FAM219B: variants seen among roughly 807,000 people sequenced by gnomAD.
FAM219B encodes the protein family with sequence similarity 219 member B, also known as protein FAM219B.
A neutral mutation model predicts 19.9 loss-of-function variants in FAM219B; 18 were observed. The ratio of observed to expected loss-of-function variants is 0.91; its 90% CI spans 0.63 to 1.34. The LOEUF (loss-of-function observed/expected upper bound fraction) is 1.34, where lower values mean the gene tolerates loss of function less well. Among genes scored for constraint, FAM219B ranks in the 40% most tolerant of loss-of-function variants. FAM219B has a pLI of 0.00. For missense variants in FAM219B, 283 were observed against 270.5 expected (o/e 1.05, Z -0.32); for synonymous variants, 123 against 117.5 (o/e 1.05, Z -0.30).
chr15:74,897,983 A>C (rs1227320361), downstream of FAM219B: 2 of 547,450 alleles, frequency 3.7e-6, no homozygotes, highest in Non-Finnish European at 6.7e-6. Context: ...TCCTCGCTAC[A>C]CCTGAGCCAG....
At chr15:74,899,360 A>C (rs1435188958), downstream of FAM219B, 1 of 152,218 alleles carries the variant, frequency 6.6e-6, no homozygotes, top group Non-Finnish European at 1.5e-5. Context: ...GTTCCAGGAA[A>C]CCACCTTCAA....
Position 74,905,161 on chromosome 15 carries a change from A to C in FAM219B, c.373T>G (p.Ser125Ala). 1 of 1,614,130 alleles carries C rather than the reference A, an allele frequency of 6.2e-7. No individual in the cohort carries two copies. The highest frequency in any genetic ancestry group is 8.5e-7 in the Non-Finnish European group (1 of 1,179,994). ...TCCAAGGGGAGCACTCACCTGTCAG[A>C]GTCGAGGGACACCAGGTTTTCATCT... Reference protein sequence around the residue: ...SPDENLVSLDSDSDGELGSRY... With the variant: ...SPDENLVSLDADSDGELGSRY... Residue 125 changes from serine to alanine, a missense_variant, in exon 3 of 5, where the codon TCT becomes GCT. Transcript: ENST00000357635.
rs976819827 is a variant in FAM219B, at chr15:74,901,804, G to A, written c.*815C>T. The A allele has an allele frequency of 2.1e-5, 6 of 290,178 alleles. No homozygotes were observed. Among genetic ancestry groups the A allele is most frequent in the African/African-American group, 1.3e-4 (6 of 46,348 alleles). The allele number at this position is 290,178 out of a possible 1,614,324, so 18.0% of individuals were successfully genotyped here. The stretch of plus-strand genomic sequence containing the variant: ...TAAAAACTGCAGGCTTCTGGGGCCA[G>A]CCCCAGTACCTTCGACCTAATCTTT... On this transcript the variant is annotated 3_prime_UTR_variant, in exon 5 of 5. Coordinates refer to ENST00000357635, the MANE Select transcript of FAM219B (RefSeq NM_020447.5).
At position 74,906,266 on chromosome 15, in the gene FAM219B, G is replaced by A; in HGVS notation, c.302+12C>T. On this transcript the variant is annotated intron_variant, in intron 2 of 4. Coordinates refer to ENST00000357635, the MANE Select transcript of FAM219B (RefSeq NM_020447.5). ...AAGCTGCTGGCACAGAGGAGGTGGC[G>A]CCTGCTGAGACCTTTTCCCTGAAGA... is the stretch of plus-strand genomic sequence containing the variant. 2 of 1,612,294 alleles carry A rather than the reference G, an allele frequency of 1.2e-6. No individual in the cohort carries two copies. The highest frequency in any genetic ancestry group is 1.1e-5 in the South Asian group (1 of 90,714).
In FAM219B at chr15:74,905,310, C is replaced by A. The variant is rs139270588; in HGVS notation, c.303-79G>T. 3.9e-3 allele frequency: 5,509 copies of A among 1,426,012 alleles called. 301 individuals are homozygous for A. In the Admixed American group the frequency reaches 0.093, roughly 24 times the overall value. 88.3% of individuals were successfully genotyped at this position (1,426,012 alleles called of 1,614,324 possible). On this transcript the variant is annotated intron_variant, in intron 2 of 4. Transcript: ENST00000357635. The stretch of plus-strand genomic sequence containing the variant: ...CACAGGGATAGGCAGAGTCCTCGCC[C>A]TGAAGGAGAAAGAATTGACTGCACT...
intron 1 of FAM219B, 89 bp downstream of exon 1, chr15:74,906,498 C>A: frequency 1.3e-6 from 2 of 1,485,542 alleles, no homozygotes; most frequent in Non-Finnish European, 1.8e-6. Flanking sequence ...CCCTCCGGGG[C>A]CGAGGCCCAG....
chr15:74,899,519 C>G (rs537866261), downstream of FAM219B: 1 of 152,278 alleles, frequency 6.6e-6, no homozygotes, highest in East Asian at 1.9e-4. Context: ...TGAAACAGGC[C>G]CGAAAGTGAT....
In FAM219B at chr15:74,902,616, T is replaced by C; in HGVS notation, c.*3A>G. Reference sequence around the variant, plus strand: ...GAGCAGGGCCCACCTTGGAGGGTAATGTCTACTGGAGGGTACAGGAAGAAG... The same window carrying C: ...GAGCAGGGCCCACCTTGGAGGGTAACGTCTACTGGAGGGTACAGGAAGAAG... On this transcript the variant is annotated 3_prime_UTR_variant, in exon 5 of 5. Coordinates refer to ENST00000357635, the MANE Select transcript of FAM219B (RefSeq NM_020447.5). 1.3e-6 allele frequency: 2 copies of C among 1,598,962 alleles called. No homozygotes were observed. Among genetic ancestry groups the C allele is most frequent in the Non-Finnish European group, 8.5e-7 (1 of 1,171,980 alleles).
chr15:74,900,515 G>C lies in FAM219B; in HGVS notation c.*2104C>G, dbSNP rs1004301741. ...ACTTACCTTCCACAGCCACCTCCCA[G>C]CACACACTGGGTCCCTCTACCTGTG... On this transcript the variant is annotated 3_prime_UTR_variant, in exon 5 of 5. Coordinates refer to ENST00000357635, the MANE Select transcript of FAM219B (RefSeq NM_020447.5). The C allele has an allele frequency of 2.6e-5, 4 of 152,270 alleles. No individual in the cohort carries two copies. The highest frequency in any genetic ancestry group is 5.9e-5 in the Non-Finnish European group (4 of 68,118). The allele number at this position is 152,270 out of a possible 1,614,324, so 9.4% of individuals were successfully genotyped here.
At chr15:74,903,053 T>C (rs1257895901) in intron 4 of FAM219B, among the ~76,000 whole-genome samples, 2 of 152,272 alleles carry the variant, frequency 1.3e-5, no homozygotes, top group Middle Eastern at 3.4e-3. Context: ...CATGTAAATA[T>C]CGAGTTCCCA....
In FAM219B at chr15:74,902,783, CCTG is replaced by C. The variant is rs2065017227; in HGVS notation, c.430_432del (p.Gln144del). ...AGCTGCCGGCTCACATCCTGGTTCA[CCTG>C]CTAAGAGAAGGAGAGGAGGGAACTA... On this transcript the variant is annotated inframe_deletion and splice_region_variant, in exon 5 of 5. Coordinates refer to ENST00000357635, the MANE Select transcript of FAM219B (RefSeq NM_020447.5). 1 of 1,607,384 alleles carries C rather than the reference CCTG, an allele frequency of 6.2e-7. No individual in the cohort carries two copies. Among genetic ancestry groups the C allele is most frequent in the Non-Finnish European group, 8.5e-7 (1 of 1,176,760 alleles).
At chr15:74,904,799 T>C (rs2065118161) in intron 3 of FAM219B, 87 bp from the exon 4 acceptor site, 5 of 1,569,248 alleles carry the variant, frequency 3.2e-6, no homozygotes, top group Non-Finnish European at 2.6e-6. Flanking sequence ...CAAGGGCATC[T>C]GGAAGACTTT....
Position 74,906,737 on chromosome 15 carries a change from C to T in FAM219B, c.64G>A (p.Gly22Arg), listed in dbSNP as rs773785578. The T allele has an allele frequency of 1.5e-6, 2 of 1,348,676 alleles. No individual in the cohort carries two copies. Among genetic ancestry groups the T allele is most frequent in the Non-Finnish European group, 1.9e-6 (2 of 1,047,852 alleles). The allele number at this position is 1,348,676 out of a possible 1,614,324, so 83.5% of individuals were successfully genotyped here. A position where few individuals can be genotyped will look rare whatever the true frequency, so the allele number is the denominator to read the frequency against. Residue 22 changes from glycine (G) to arginine (R), a missense_variant, in exon 1 of 5, where the codon GGG (glycine) becomes AGG (arginine). Physicochemically the swap from Gly to Arg is moderately radical, Grantham distance 125. Transcript: ENST00000357635. ...RLSTPGPRPS[G>R]ARDRAPGAAG... ...GCTCCCGGCGCGCGGTCCCGAGCCC[C>T]GCTGGGCCGGGGTCCCGGGGTAGAC...
At chr15:74,906,528 C>T in intron 1 of FAM219B, 59 bp downstream of exon 1, 3 of 1,462,250 alleles carry the variant, frequency 2.1e-6, no homozygotes, top group South Asian at 2.9e-5. Context: ...GGAACCCGCC[C>T]TGGGGACGCG....
rs1188217542 is a variant in FAM219B at position 74,905,251 on chromosome 15, A to G, written c.303-20T>C. The G allele has an allele frequency of 6.2e-7, 1 of 1,611,474 alleles. No homozygotes were observed. The highest frequency in any genetic ancestry group is 1.1e-5 in the South Asian group (1 of 90,980). On this transcript the variant is annotated intron_variant, in intron 2 of 4. Transcript: ENST00000357635. ...ACTGACCTGAGGGGAGACGGGGGAG[A>G]AGAGACCAAACATAGATGAAAGCAT...
rs1170857107 is a variant in FAM219B at position 74,902,575 on chromosome 15, C to T, written c.*44G>A. On this transcript the variant is annotated 3_prime_UTR_variant, in exon 5 of 5. Coordinates refer to ENST00000357635, the MANE Select transcript of FAM219B (RefSeq NM_020447.5). ...TGAGCTATGAGTGGCCAACAGGGCT[C>T]TGTAGGCCTCATGGTGAGCAGGGCC... The T allele has an allele frequency of 6.4e-7, 1 of 1,555,482 alleles. No homozygotes were observed. Among genetic ancestry groups the T allele is most frequent in the Non-Finnish European group, 8.7e-7 (1 of 1,149,234 alleles).
intron 1 of FAM219B, 95 bp downstream of exon 1, chr15:74,906,492 C>T: frequency 6.7e-7 from 1 of 1,492,132 alleles, no homozygotes; most frequent in Non-Finnish European, 9.0e-7. Flanking sequence ...CCCCTTCCCT[C>T]CGGGGCCGAG....
At chr15:74,898,123 G>A (rs886051485), downstream of FAM219B, 2 of 356,882 alleles carry the variant, frequency 5.6e-6, no homozygotes. Context: ...CGATGGGACT[G>A]CCCATTTCCT....
At position 74,906,625 on chromosome 15, in the gene FAM219B, T is replaced by C; in HGVS notation, c.176A>G (p.Tyr59Cys). Residue 59 changes from tyrosine (Y) to cysteine (C), a missense_variant, in exon 1 of 5, where the codon TAC becomes TGC. Transcript: ENST00000357635. ...TPAAVEKRGP[Y>C]MVTRAPSIQA... ...AATGGAGGGTGCGCGCGTCACCATGTATGGCCCCCGCTTTTCCACGGCCGC... is the reference window on the plus strand; with the variant it reads ...AATGGAGGGTGCGCGCGTCACCATGCATGGCCCCCGCTTTTCCACGGCCGC... 2 of 1,509,356 alleles carry C rather than the reference T, an allele frequency of 1.3e-6. No individual in the cohort carries two copies. The highest frequency in any genetic ancestry group is 1.8e-6 in the Non-Finnish European group (2 of 1,132,800). The allele number at this position is 1,509,356 out of a possible 1,614,324, so 93.5% of individuals were successfully genotyped here. A position where few individuals can be genotyped will look rare whatever the true frequency, so the allele number is the denominator to read the frequency against.
Sources: gnomAD v4.1 joint callset for allele counts (sites outside exome capture counted in the v4.1 genomes callset) on GRCh38, gnomAD v4.1.1 for gene constraint, MANE v1.5 for transcripts, NCBI Gene and HGNC (gene_info 2026-07-23, HGNC 2026-07-21) for gene names.